MAGI2: variants seen among roughly 807,000 people sequenced by gnomAD.
MAGI2 encodes membrane associated guanylate kinase, WW and PDZ domain containing 2.
MAGI2 carries 35 observed loss-of-function variants against 133.3 expected under a neutral mutation model. The ratio of observed to expected loss-of-function variants is 0.26; its 90% CI spans 0.20 to 0.35. The LOEUF (loss-of-function observed/expected upper bound fraction) is 0.35. Among genes scored for constraint, MAGI2 ranks in the 10% least tolerant of loss-of-function variants. MAGI2 has a pLI of 1.00. For synonymous variants in MAGI2, 729 were observed against 710.6 expected, an observed-to-expected ratio of 1.03 and a Z score of -0.41; for missense variants, 1,636 against 1,863.4, an observed-to-expected ratio of 0.88 and a Z score of 2.25.
At chr7:78,328,068 T>C (rs1788765411) in intron 9 of MAGI2, among the ~76,000 whole-genome samples, 1 of 152,158 alleles carries the variant, frequency 6.6e-6, no homozygotes, top group South Asian at 2.1e-4. Flanking sequence ...CTTGTTCAGC[T>C]CTTATGTAAA....
rs187143647 is a variant in MAGI2, at chr7:78,781,573, T to C, written c.419-154334A>G. 4.6e-5 allele frequency among the ~76,000 whole-genome samples: 7 copies of C among 152,060 alleles called. No homozygotes were observed. The East Asian group carries it at 1.2e-3, about 25-fold the overall frequency. The stretch of plus-strand genomic sequence containing the variant: ...ATTGAGGGAGAAAATGGGAACTAAA[T>C]TGAGGAACAACTTCCCTCTTCAAGA... On this transcript the variant is annotated intron_variant, in intron 2 of 21. Transcript: ENST00000354212.
At chr7:79,341,539 C>T (rs930129675) in intron 1 of MAGI2, among the ~76,000 whole-genome samples, 4 of 151,908 alleles carry the variant, frequency 2.6e-5, no homozygotes, top group Non-Finnish European at 5.9e-5. Flanking sequence ...AGGGCTTTAC[C>T]AACAAAAATA....
intron 9 of MAGI2, among the ~76,000 whole-genome samples, chr7:78,267,329 A>G (rs1207694416): frequency 6.6e-6 from 1 of 152,146 alleles, no homozygotes; most frequent in African/African-American, 2.4e-5. Context: ...GTGCCATGCT[A>G]AAAATGTGAC....
intron 1 of MAGI2, among the ~76,000 whole-genome samples, chr7:79,293,551 G>A (rs1836669657): frequency 6.6e-6 from 1 of 151,950 alleles, no homozygotes; most frequent in Non-Finnish European, 1.5e-5. Context: ...AACAATGGTA[G>A]ATAATATTTG....
intron 1 of MAGI2, among the ~76,000 whole-genome samples, chr7:79,056,228 C>G (rs1281308282): frequency 6.7e-6 from 1 of 149,246 alleles, no homozygotes; most frequent in Non-Finnish European, 1.5e-5. Context: ...CAAAAAACAA[C>G]AAAAAAAAAA....
intron 1 of MAGI2, among the ~76,000 whole-genome samples, chr7:79,055,283 G>GA (rs1426765415): frequency 8.8e-6 from 1 of 113,850 alleles, no homozygotes; most frequent in African/African-American, 5.3e-5. Flanking sequence ...GTAAGGGCAT[G>GA]CCTTTTTTTT....
At chr7:78,653,455 T>C (rs555887970) in intron 2 of MAGI2, among the ~76,000 whole-genome samples, 4 of 152,222 alleles carry the variant, frequency 2.6e-5, no homozygotes, top group African/African-American at 7.2e-5. Context: ...TATCCAGACA[T>C]AGAAAAGGAT....
chr7:78,248,053 A>G (rs192861065), intron 10 of MAGI2, among the ~76,000 whole-genome samples: 130 of 152,320 alleles, frequency 8.5e-4, no homozygotes, highest in Middle Eastern at 3.4e-3. Context: ...CAAAAGAAAA[A>G]GTAAGAATTT....
chr7:79,119,393 A>G lies in MAGI2; in HGVS notation c.302-112187T>C, dbSNP rs144508220. The stretch of plus-strand genomic sequence containing the variant: ...ACAAATACATGGTTGTGTGCCATCA[A>G]CCATGCTCTTGAGAAAGGGGAATGA... On this transcript the variant is annotated intron_variant, in intron 1 of 21. Coordinates refer to ENST00000354212, the MANE Select transcript of MAGI2 (RefSeq NM_012301.4). Among the ~76,000 whole-genome samples the G allele has an allele frequency of 5.5e-3, 839 of 152,234 alleles. 12 individuals carry two copies. Among genetic ancestry groups the G allele is most frequent in the African/African-American group, 0.019 (799 of 41,558 alleles).
chr7:78,978,896 C>G (rs1039198241), intron 2 of MAGI2, among the ~76,000 whole-genome samples: 10 of 151,842 alleles, frequency 6.6e-5, no homozygotes, highest in Middle Eastern at 3.4e-3. Context: ...TATGAAACCA[C>G]TATACACATA....
rs539413220 is a variant in MAGI2, at chr7:78,466,361, G to A, written c.1045+23400C>T. On this transcript the variant is annotated intron_variant, in intron 6 of 21. Coordinates refer to ENST00000354212, the MANE Select transcript of MAGI2 (RefSeq NM_012301.4). Reference sequence around the variant, plus strand: ...TTTGCACTGGAAGTGCCTCACTTGGGCACAGGTGTGAACACAAGCTGGGAA... The same window carrying A: ...TTTGCACTGGAAGTGCCTCACTTGGACACAGGTGTGAACACAAGCTGGGAA... Among the ~76,000 whole-genome samples, 106 of 152,298 alleles carry A rather than the reference G, an allele frequency of 7.0e-4. 1 individual carries two copies. The highest frequency in any genetic ancestry group is 2.5e-3 in the African/African-American group (102 of 41,572).
chr7:78,853,332 CTTT>C (rs60580466), intron 2 of MAGI2, among the ~76,000 whole-genome samples: 12 of 25,042 alleles, frequency 4.8e-4, no homozygotes, highest in East Asian at 1.3e-3. Context: ...TCCATTCGTT[CTTT>C]TTTTTTTTTT....
chr7:78,707,977 C>T (rs918227830), intron 2 of MAGI2, among the ~76,000 whole-genome samples: 6 of 152,014 alleles, frequency 3.9e-5, no homozygotes, highest in African/African-American at 1.2e-4. Context: ...GACTGTTTCC[C>T]TTTATAAGAT....
chr7:78,212,895 T>C (rs1787906417), intron 10 of MAGI2, among the ~76,000 whole-genome samples: 1 of 152,300 alleles, frequency 6.6e-6, no homozygotes, highest in East Asian at 1.9e-4. Flanking sequence ...CACACTGGTC[T>C]CAAATTCCTG....
intron 2 of MAGI2, among the ~76,000 whole-genome samples, chr7:78,669,607 A>G (rs1221403604): frequency 1.3e-5 from 2 of 152,124 alleles, no homozygotes; most frequent in Non-Finnish European, 2.9e-5. Context: ...AGCCGGGCAG[A>G]GACACAACAA....
intron 2 of MAGI2, among the ~76,000 whole-genome samples, chr7:78,784,769 G>A (rs541809562): frequency 5.8e-4 from 88 of 152,048 alleles, no homozygotes; most frequent in Non-Finnish European, 9.3e-4. Context: ...TGTATATTTG[G>A]GTCTTTCTGA....
chr7:79,404,848 C>A (rs1845698956), intron 1 of MAGI2, among the ~76,000 whole-genome samples: 1 of 152,118 alleles, frequency 6.6e-6, no homozygotes, highest in East Asian at 1.9e-4. Flanking sequence ...TTCCTTAGGT[C>A]CACCTTCCTA....
chr7:78,392,123 C>A (rs1453145111), intron 6 of MAGI2, among the ~76,000 whole-genome samples: 1 of 152,144 alleles, frequency 6.6e-6, no homozygotes, highest in Non-Finnish European at 1.5e-5. Context: ...AACACTTTAC[C>A]ATCTACTTGG....
At chr7:79,317,001 G>GTTT (rs1182186678) in intron 1 of MAGI2, among the ~76,000 whole-genome samples, 2 of 134,232 alleles carry the variant, frequency 1.5e-5, no homozygotes, top group African/African-American at 2.7e-5. Context: ...AAAATGTAGG[G>GTTT]TTTTTTTTTT....
Sources: allele counts gnomAD v4.1 joint callset (sites outside exome capture counted in the v4.1 genomes callset), GRCh38; gene constraint gnomAD v4.1.1; transcripts MANE v1.5; gene names NCBI Gene and HGNC (gene_info 2026-07-23, HGNC 2026-07-21).